Variants in MLLT3 observed in about 807,000 individuals in gnomAD.
The protein encoded by MLLT3 is protein AF-9.
MLLT3 carries 4 observed loss-of-function variants against 53.2 expected under a neutral mutation model. That is an observed-to-expected ratio of 0.08 (90% CI 0.04 to 0.17). The LOEUF is 0.17. Ranked by LOEUF, MLLT3 falls within the 10% of genes least tolerant of loss-of-function variation. The probability of loss-of-function intolerance (pLI) is 1.00; values close to 1 mark genes in which losing one functional copy is unlikely to be tolerated. For missense variants in MLLT3, 569 were observed against 684.0 expected, an observed-to-expected ratio of 0.83 and a Z score of 1.87; for synonymous variants, 283 against 230.6, an observed-to-expected ratio of 1.23 and a Z score of -2.06.
intron 2 of MLLT3, among the ~76,000 whole-genome samples, chr9:20,616,853 T>C (rs1175563953): frequency 6.6e-6 from 1 of 152,182 alleles, no homozygotes; most frequent in Non-Finnish European, 1.5e-5. Context: ...CTTTGTGTAC[T>C]TGTGAGAACA....
chr9:20,437,587 A>G (rs1408868129), intron 4 of MLLT3, among the ~76,000 whole-genome samples: 1 of 152,174 alleles, frequency 6.6e-6, no homozygotes, highest in Non-Finnish European at 1.5e-5. Flanking sequence ...ATCTAGGAAG[A>G]AAAAATACAA....
intron 2 of MLLT3, among the ~76,000 whole-genome samples, chr9:20,480,048 TAC>T (rs1824624095): frequency 6.6e-6 from 1 of 152,214 alleles, no homozygotes; most frequent in African/African-American, 2.4e-5. Flanking sequence ...TATAACAAGG[TAC>T]AGTCCTTTCT....
At chr9:20,390,100 T>C (rs986720317) in intron 5 of MLLT3, among the ~76,000 whole-genome samples, 2 of 152,282 alleles carry the variant, frequency 1.3e-5, no homozygotes, top group South Asian at 2.1e-4. Context: ...ATGGCGGCAA[T>C]CTTTCCAATG....
intron 2 of MLLT3, among the ~76,000 whole-genome samples, chr9:20,578,520 G>C (rs1368150953): frequency 1.3e-5 from 2 of 151,414 alleles, no homozygotes; most frequent in East Asian, 3.9e-4. Flanking sequence ...TAAAAAAAAA[G>C]AAAAAGAAAA....
chr9:20,563,218 G>T (rs1819261148), intron 2 of MLLT3, among the ~76,000 whole-genome samples: 2 of 152,030 alleles, frequency 1.3e-5, no homozygotes, highest in Non-Finnish European at 1.5e-5. Flanking sequence ...GCACAGTCCT[G>T]GGAAAATCAG....
rs60526002 is a variant in MLLT3 at position 20,620,252 on chromosome 9, AACACACACACAC to A, written c.193+390_193+401del. ...AGGTAAATCTTAATTTCTCTAGGAA[AACACACACACAC>A]ACACACACACACACACACACACACA... is the stretch of plus-strand genomic sequence containing the variant. On this transcript the variant is annotated intron_variant, in intron 2 of 10. Coordinates refer to ENST00000380338, the MANE Select transcript of MLLT3 (RefSeq NM_004529.4). The surrounding 1 kb of genome is among the most constrained non-coding windows in gnomAD (Gnocchi z 6.1). Among the ~76,000 whole-genome samples, 321 of 142,602 alleles carry A rather than the reference AACACACACACAC, an allele frequency of 2.3e-3. 1 individual carries two copies. The highest frequency in any genetic ancestry group is 7.6e-3 in the East Asian group (36 of 4,734). The allele number at this position is 142,602 out of a possible 152,430, so 93.6% of individuals were successfully genotyped here.
rs537918552 is a variant in MLLT3, at chr9:20,533,398, CAAAAG to C, written c.194-76617_194-76613del. ...AATTAAAATAAAACAAATTTTCCTT[CAAAAG>C]AAAAGAAAAGAAAAGAAAATGTCAT... On this transcript the variant is annotated intron_variant, in intron 2 of 10. Transcript: ENST00000380338. 408 of 159,712 alleles carry C rather than the reference CAAAAG, an allele frequency of 2.6e-3. 2 individuals are homozygous for C. The highest frequency in any genetic ancestry group is 6.1e-3 in the East Asian group (34 of 5,562). The allele number at this position is 159,712 out of a possible 1,614,324, so 9.9% of individuals were successfully genotyped here.
intron 2 of MLLT3, among the ~76,000 whole-genome samples, chr9:20,552,634 T>C (rs960797253): frequency 1.3e-5 from 2 of 152,180 alleles, no homozygotes; most frequent in African/African-American, 2.4e-5. Flanking sequence ...GAGTTTCTGA[T>C]AAGCAGTTTA....
intron 5 of MLLT3, among the ~76,000 whole-genome samples, chr9:20,396,561 T>A (rs752421241): frequency 2.0e-5 from 3 of 152,130 alleles, no homozygotes; most frequent in African/African-American, 7.2e-5. Context: ...ACACAGTTTG[T>A]GTTCCTCACC....
chr9:20,402,208 T>A lies in MLLT3; in HGVS notation c.1125+11513A>T, dbSNP rs562520714. On this transcript the variant is annotated intron_variant, in intron 5 of 10. Coordinates refer to ENST00000380338, the MANE Select transcript of MLLT3 (RefSeq NM_004529.4). ...AAGTCAATGCTTAGGACATGGTTTC[T>A]ACATTAGGATCTGGAAGGCACTAGT... Among the ~76,000 whole-genome samples the A allele has an allele frequency of 7.9e-5, 12 of 152,332 alleles. No individual in the cohort carries two copies. The South Asian group carries it at 1.7e-3, about 21-fold the overall frequency.
rs192640963 is a variant in MLLT3 at position 20,572,216 on chromosome 9, T to C, written c.193+48438A>G. On this transcript the variant is annotated intron_variant, in intron 2 of 10. Coordinates refer to ENST00000380338, the MANE Select transcript of MLLT3 (RefSeq NM_004529.4). The stretch of plus-strand genomic sequence containing the variant: ...GTTACCAGGGGCAGGGACAGAGGGG[T>C]GGAGGAATGGGGAGATGTTGGCCAA... Among the ~76,000 whole-genome samples, 282 of 151,568 alleles carry C rather than the reference T, an allele frequency of 1.9e-3. 1 individual carries two copies. The highest frequency in any genetic ancestry group is 6.7e-3 in the African/African-American group (277 of 41,266).
intron 4 of MLLT3, among the ~76,000 whole-genome samples, chr9:20,423,058 A>T (rs551968435): frequency 1.3e-5 from 2 of 152,276 alleles, no homozygotes; most frequent in East Asian, 3.9e-4. Flanking sequence ...GCCCCCAGTT[A>T]GTCTGACTTC....
At chr9:20,457,229 CA>C (rs942801804) in intron 2 of MLLT3, among the ~76,000 whole-genome samples, 6 of 132,858 alleles carry the variant, frequency 4.5e-5, no homozygotes, top group Non-Finnish European at 9.5e-5. Context: ...GATGTCCTGA[CA>C]AGGACATCTT....
chr9:20,586,076 G>C (rs937588593), intron 2 of MLLT3, among the ~76,000 whole-genome samples: 1 of 152,074 alleles, frequency 6.6e-6, no homozygotes, highest in Non-Finnish European at 1.5e-5. Flanking sequence ...CTAGCACTTC[G>C]GGAAGCCAAG....
At chr9:20,399,160 C>T (rs937872564) in intron 5 of MLLT3, among the ~76,000 whole-genome samples, 36 of 152,134 alleles carry the variant, frequency 2.4e-4, no homozygotes, top group African/African-American at 8.4e-4. Context: ...CTTATTTGTA[C>T]AGGGAGTTCT....
intron 2 of MLLT3, among the ~76,000 whole-genome samples, chr9:20,605,036 T>C (rs1348433706): frequency 1.3e-5 from 2 of 152,092 alleles, no homozygotes; most frequent in Admixed American, 6.6e-5. Context: ...CAAGAACATA[T>C]TAAGCTAAAA....
intron 10 of MLLT3, among the ~76,000 whole-genome samples, chr9:20,352,401 G>C (rs1821049840): frequency 6.6e-6 from 1 of 152,118 alleles, no homozygotes; most frequent in African/African-American, 2.4e-5. Flanking sequence ...AAAATGACAG[G>C]TAAAACAACG....
intron 1 of MLLT3, 169 bp downstream of exon 1, chr9:20,622,076 G>A (rs1258545983): frequency 1.9e-5 from 3 of 158,782 alleles, no homozygotes; most frequent in African/African-American, 8.1e-5. Flanking sequence ...GGGGGGGGGT[G>A]GGGGAGGAGG....
At chr9:20,378,515 C>T (rs1336879051) in intron 5 of MLLT3, among the ~76,000 whole-genome samples, 2 of 151,992 alleles carry the variant, frequency 1.3e-5, no homozygotes. Flanking sequence ...GTAACACAAA[C>T]TTATTTAAAA....
Sources: allele counts gnomAD v4.1 joint callset (sites outside exome capture counted in the v4.1 genomes callset), GRCh38; gene constraint gnomAD v4.1.1; non-coding constraint Gnocchi (gnomAD v3.1); transcripts MANE v1.5; gene names NCBI Gene and HGNC (gene_info 2026-07-23, HGNC 2026-07-21).